The following VSTM2A variants were observed in gnomAD, a reference collection of about 807,000 sequenced individuals.
VSTM2A encodes the protein V-set and transmembrane domain containing 2A.
In VSTM2A, 13 loss-of-function variants were observed where a neutral mutation model predicts 27.3. The ratio of observed to expected loss-of-function variants is 0.48; its 90% CI spans 0.31 to 0.76. The LOEUF is 0.76. Ranked by LOEUF, VSTM2A falls within the 30% of genes least tolerant of loss-of-function variation. The probability of loss-of-function intolerance (pLI) is 0.05; values close to 1 mark genes in which losing one functional copy is unlikely to be tolerated. For missense variants in VSTM2A, 280 were observed against 310.0 expected (o/e 0.90, Z 0.73); for synonymous variants, 142 against 125.7 (o/e 1.13, Z -0.87).
Position 54,546,964 on chromosome 7 carries a change from C to G in VSTM2A, c.264C>G (p.Asp88Glu). The change falls in exon 3 of 5, where the codon GAC (aspartate) becomes GAG (glutamate). Residue 88 changes from aspartate (D) to glutamate (E), a missense_variant. Coordinates refer to ENST00000402613, the MANE Select transcript of VSTM2A (RefSeq NM_001301009.2). ...GCCCGCAGGTGGAGCTCTTGCCCGA[C>G]AGAGACCCGGACAGCGACGGGACCA... is the stretch of plus-strand genomic sequence containing the variant. Reference protein sequence around the residue: ...GAGAQVELLPDRDPDSDGTKI... With the variant: ...GAGAQVELLPERDPDSDGTKI... 1 of 1,596,340 alleles carries G rather than the reference C, an allele frequency of 6.3e-7. No homozygotes were observed. Among genetic ancestry groups the G allele is most frequent in the Non-Finnish European group, 8.5e-7 (1 of 1,173,594 alleles).
At chr7:54,547,025 G>T in intron 3 of VSTM2A, 28 bp downstream of exon 3, 1 of 1,566,126 alleles carries the variant, frequency 6.4e-7, no homozygotes. Context: ...CAAGGGCCGC[G>T]GGCCCAGGCT....
At chr7:54,552,470 C>A (rs1209138409) in intron 4 of VSTM2A, 1 of 152,078 alleles carries the variant, frequency 6.6e-6, no homozygotes, top group Non-Finnish European at 1.5e-5. Flanking sequence ...ATACCCACAT[C>A]CTGATTTATG....
chr7:54,563,655 A>G (rs183291997), intron 4 of VSTM2A, among the ~76,000 whole-genome samples: 1 of 152,200 alleles, frequency 6.6e-6, no homozygotes, highest in African/African-American at 2.4e-5. Flanking sequence ...GCACCCATGC[A>G]CCCTGTCCTG....
At chr7:54,554,129 T>C in intron 4 of VSTM2A, 1 of 1,542,016 alleles carries the variant, frequency 6.5e-7, no homozygotes, top group Non-Finnish European at 8.8e-7. Flanking sequence ...CACTGGTGTC[T>C]CCTGCTTCCA....
chr7:54,549,533 C>T (rs959737466), intron 3 of VSTM2A, among the ~76,000 whole-genome samples: 2 of 152,218 alleles, frequency 1.3e-5, no homozygotes, highest in Admixed American at 6.5e-5. Context: ...GAGGCCAATC[C>T]CATGATGGAA....
Position 54,550,118 on chromosome 7 carries a change from C to G in VSTM2A, c.582C>G (p.Ser194=). 1 of 1,607,580 alleles carries G rather than the reference C, an allele frequency of 6.2e-7. No individual in the cohort carries two copies. The highest frequency in any genetic ancestry group is 2.2e-5 in the East Asian group (1 of 44,552). ...GCTCTGCCAACCAACGAACGCACTCCACCTCCAGCCCTCAAGTGGTAGCCA... is the reference window on the plus strand; with the variant it reads ...GCTCTGCCAACCAACGAACGCACTCGACCTCCAGCCCTCAAGTGGTAGCCA... ...IHGSANQRTH[S]TSSPQVVAKI... is the part of the protein sequence containing the mutation. The change falls in exon 4 of 5, where the codon TCC becomes TCG. Residue 194 remains serine (S), a synonymous_variant. Coordinates refer to ENST00000402613, the MANE Select transcript of VSTM2A (RefSeq NM_001301009.2).
rs1788127220 is a variant in VSTM2A, at chr7:54,549,948, C to A, written c.412C>A (p.Gln138Lys). 6.2e-7 allele frequency: 1 copy of A among 1,613,648 alleles called. No homozygotes were observed. The highest frequency in any genetic ancestry group is 8.5e-7 in the Non-Finnish European group (1 of 1,179,810). ...RVTDANYGEL[Q>K]EHKAQAYLKV... ...GACTGATGCCAACTACGGGGAGCTT[C>A]AGGAACACAAGGCCCAGGCCTATCT... The change falls in exon 4 of 5, where the codon CAG becomes AAG. Residue 138 changes from glutamine to lysine, a missense_variant. Physicochemically the swap from Gln to Lys is moderately conservative, Grantham distance 53 (BLOSUM62 1). Coordinates refer to ENST00000402613, the MANE Select transcript of VSTM2A (RefSeq NM_001301009.2).
At chr7:54,546,763 A>T (rs1788005345) in intron 2 of VSTM2A, 184 bp from the exon 3 acceptor site, 1 of 597,054 alleles carries the variant, frequency 1.7e-6, no homozygotes, top group Non-Finnish European at 2.8e-6. Flanking sequence ...AGCGTGGGGT[A>T]TGCCAGGGAC....
rs1788833111 is a variant in VSTM2A at position 54,569,677 on chromosome 7, T to C, written c.*458T>C. ...CCTTTTTTTCTTGGATTTTTCTTCT[T>C]TTTCTTGATTACAGTTCTTGTTCAA... On this transcript the variant is annotated 3_prime_UTR_variant, in exon 5 of 5. Coordinates refer to ENST00000402613, the MANE Select transcript of VSTM2A (RefSeq NM_001301009.2). The C allele has an allele frequency of 6.3e-6, 1 of 158,428 alleles. No individual in the cohort carries two copies. The highest frequency in any genetic ancestry group is 2.4e-5 in the African/African-American group (1 of 41,476). 9.8% of individuals were successfully genotyped at this position (158,428 alleles called of 1,614,324 possible). A position where few individuals can be genotyped will look rare whatever the true frequency, so the allele number is the denominator to read the frequency against.
intron 4 of VSTM2A, chr7:54,551,525 TTTTTCTTTATAATC>T (rs1788198123): frequency 6.6e-6 from 1 of 152,160 alleles, no homozygotes; most frequent in Non-Finnish European, 1.5e-5. Context: ...TTGTCTAATT[TTTTTCTTTATAATC>T]TTTTCTGCTT....
intron 1 of VSTM2A, among the ~76,000 whole-genome samples, chr7:54,544,384 C>T (rs1207067507): frequency 1.3e-5 from 2 of 152,162 alleles, no homozygotes. Context: ...TATTGGCAAG[C>T]TTGTTAACCT....
At chr7:54,555,934 C>T (rs982790537) in intron 4 of VSTM2A, among the ~76,000 whole-genome samples, 1 of 152,138 alleles carries the variant, frequency 6.6e-6, no homozygotes, top group South Asian at 2.1e-4. Context: ...AGAACTCCAC[C>T]CAGTGCCTAC....
intron 4 of VSTM2A, among the ~76,000 whole-genome samples, chr7:54,553,284 C>T (rs1788246836): frequency 6.6e-6 from 1 of 152,210 alleles, no homozygotes; most frequent in Admixed American, 6.5e-5. Context: ...AATTCTACCT[C>T]CATTTAGTAA....
chr7:54,548,800 T>G (rs1788086236), intron 3 of VSTM2A, among the ~76,000 whole-genome samples: 2 of 152,034 alleles, frequency 1.3e-5, no homozygotes, highest in South Asian at 4.1e-4. Context: ...GATGAGTGCT[T>G]CTCAGGTTTT....
chr7:54,568,998 T>A, intron 4 of VSTM2A, 133 bp from the exon 5 acceptor site: 1 of 1,587,460 alleles, frequency 6.3e-7, no homozygotes, highest in Non-Finnish European at 8.6e-7. Context: ...ATCTTATAAC[T>A]TCTTCCGCAG....
chr7:54,562,051 G>A (rs762962511), intron 4 of VSTM2A, among the ~76,000 whole-genome samples: 2 of 152,084 alleles, frequency 1.3e-5, no homozygotes, highest in Non-Finnish European at 2.9e-5. Flanking sequence ...AGCCTCGCAA[G>A]TAGCTGGGAC....
At chr7:54,568,884 A>G in intron 4 of VSTM2A, 1 of 1,020,028 alleles carries the variant, frequency 9.8e-7, no homozygotes, top group South Asian at 1.6e-5. Flanking sequence ...ATGCCAAGAC[A>G]TTCATGAGCA....
intron 2 of VSTM2A, chr7:54,546,071 GA>G: frequency 7.2e-6 from 1 of 138,302 alleles, no homozygotes; most frequent in Non-Finnish European, 1.6e-5. Context: ...GGAAGGAGAG[GA>G]AAAGGAGAGA....
intron 3 of VSTM2A, 41 bp downstream of exon 3, chr7:54,547,038 G>T (rs778042531): frequency 1.3e-6 from 2 of 1,554,060 alleles, no homozygotes; most frequent in Non-Finnish European, 1.7e-6. Flanking sequence ...CCCAGGCTCG[G>T]GACGCACAGC....
Sources: allele counts gnomAD v4.1 joint callset (sites outside exome capture counted in the v4.1 genomes callset), GRCh38; gene constraint gnomAD v4.1.1; transcripts MANE v1.5; gene names NCBI Gene and HGNC (gene_info 2026-07-23, HGNC 2026-07-21).